Variants in CREB5 observed in about 807,000 individuals in gnomAD.
CREB5 encodes cAMP responsive element binding protein 5.
A neutral mutation model predicts 57.1 loss-of-function variants in CREB5; 19 were observed. The observed-to-expected ratio is 0.33, with a 90% confidence interval of 0.23 to 0.49. The LOEUF is 0.49. Ranked by LOEUF, CREB5 falls within the 20% of genes least tolerant of loss-of-function variation. The pLI is 0.99. For missense variants in CREB5, 579 were observed against 671.6 expected, an observed-to-expected ratio of 0.86 and a Z score of 1.52; for synonymous variants, 238 against 238.3, an observed-to-expected ratio of 1.00 and a Z score of 0.01.
At chr7:28,538,610 T>C (rs575245178) in intron 4 of CREB5, among the ~76,000 whole-genome samples, 1 of 152,308 alleles carries the variant, frequency 6.6e-6, no homozygotes, top group Admixed American at 6.5e-5. Flanking sequence ...GATTTCTACT[T>C]TTATTTTTTA....
At chr7:28,703,377 C>T (rs1428048279) in intron 5 of CREB5, among the ~76,000 whole-genome samples, 1 of 151,996 alleles carries the variant, frequency 6.6e-6, no homozygotes, top group African/African-American at 2.4e-5. Flanking sequence ...TTCACTTCTA[C>T]CAAATATATT....
At chr7:28,370,230 G>A (rs1786680199) in intron 1 of CREB5, among the ~76,000 whole-genome samples, 1 of 152,166 alleles carries the variant, frequency 6.6e-6, no homozygotes, top group Non-Finnish European at 1.5e-5. Context: ...ACGGTAGGAC[G>A]TGCCCTAGCC....
chr7:28,706,663 T>G (rs1802121517), intron 5 of CREB5, among the ~76,000 whole-genome samples: 1 of 152,146 alleles, frequency 6.6e-6, no homozygotes, highest in Non-Finnish European at 1.5e-5. Flanking sequence ...TTTTACTAAG[T>G]GTTTCAGATT....
intron 5 of CREB5, among the ~76,000 whole-genome samples, chr7:28,583,980 G>A (rs972622934): frequency 2.0e-5 from 3 of 152,072 alleles, no homozygotes; most frequent in Non-Finnish European, 4.4e-5. Flanking sequence ...GCTGGGCACA[G>A]CCTCCACCTT....
chr7:28,563,594 C>T (rs183918411), intron 4 of CREB5, among the ~76,000 whole-genome samples: 358 of 152,302 alleles, frequency 2.4e-3, no homozygotes, highest in Non-Finnish European at 4.1e-3. Context: ...GGTGCAATCA[C>T]GGCTCACTGC....
rs1474440654 is a variant in CREB5 at position 28,683,288 on chromosome 7, G to GA, written c.465-35461dup. On this transcript the variant is annotated intron_variant, in intron 5 of 10. Coordinates refer to ENST00000357727, the MANE Select transcript of CREB5 (RefSeq NM_182898.4). The stretch of plus-strand genomic sequence containing the variant: ...TCTCTCTTTAGCTGCTCACAGGAAG[G>GA]AAAATGGGAAAGTAGGGCTTCTTTT... Among the ~76,000 whole-genome samples the GA allele has an allele frequency of 6.6e-5, 10 of 152,234 alleles. No homozygotes were observed. In the South Asian group the frequency reaches 2.1e-3, roughly 32 times the overall value.
chr7:28,594,527 G>A (rs1796631219), intron 5 of CREB5, among the ~76,000 whole-genome samples: 1 of 152,152 alleles, frequency 6.6e-6, no homozygotes, highest in Admixed American at 6.5e-5. Context: ...AAGCCCTCCT[G>A]ATTCCCCCAG....
intron 2 of CREB5, among the ~76,000 whole-genome samples, chr7:28,488,692 C>A (rs949179792): frequency 3.9e-5 from 6 of 152,160 alleles, no homozygotes; most frequent in African/African-American, 1.2e-4. Flanking sequence ...AGTAAAAAAA[C>A]CCCAAACTCC....
chr7:28,593,898 A>G (rs991375595), intron 5 of CREB5, among the ~76,000 whole-genome samples: 2 of 152,212 alleles, frequency 1.3e-5, no homozygotes, highest in Non-Finnish European at 2.9e-5. Flanking sequence ...AACTATAGGA[A>G]GAAACTTTAT....
rs554087968 is a variant in CREB5 at position 28,733,741 on chromosome 7, G to A, written c.702+9409G>A. 3.9e-5 allele frequency among the ~76,000 whole-genome samples: 6 copies of A among 152,182 alleles called. No homozygotes were observed. In the South Asian group the frequency reaches 1.2e-3, roughly 32 times the overall value. On this transcript the variant is annotated intron_variant, in intron 7 of 10. Transcript: ENST00000357727. ...GCTGGGGCCAGTTTGATTCAGCTCC[G>A]TGTCCCCAGTTTGCCATCTCTCCTG... is the stretch of plus-strand genomic sequence containing the variant.
intron 5 of CREB5, among the ~76,000 whole-genome samples, chr7:28,630,120 C>T (rs1345688471): frequency 6.6e-6 from 1 of 152,176 alleles, no homozygotes; most frequent in Non-Finnish European, 1.5e-5. Context: ...GTTCCTGAAT[C>T]GTTAGAGGGT....
intron 7 of CREB5, among the ~76,000 whole-genome samples, chr7:28,771,563 C>G (rs1050869747): frequency 6.6e-6 from 1 of 152,072 alleles, no homozygotes; most frequent in Non-Finnish European, 1.5e-5. Context: ...ATCAGGCTCC[C>G]GGTACGTGTG....
chr7:28,588,795 C>A (rs1228657883), intron 5 of CREB5, among the ~76,000 whole-genome samples: 1 of 152,136 alleles, frequency 6.6e-6, no homozygotes, highest in Non-Finnish European at 1.5e-5. Flanking sequence ...ATTTTCTTAC[C>A]TATTTTTGGC....
chr7:28,414,721 G>GT (rs1787960656), intron 1 of CREB5, among the ~76,000 whole-genome samples: 1 of 152,016 alleles, frequency 6.6e-6, no homozygotes, highest in African/African-American at 2.4e-5. Flanking sequence ...AGCAATTAGT[G>GT]TTTTTTGAGT....
rs139222705 is a variant in CREB5 at position 28,486,670 on chromosome 7, T to TTATATATATATATATATATATATA, written c.4-1482_4-1481insATATATATATATATATATATATAT. ...AACTAAACGTGTATCTCCTATGATT[T>TTATATATATATATATATATATATA]TATATATATATATATATATATATGT... On this transcript the variant is annotated intron_variant, in intron 1 of 10. Coordinates refer to ENST00000357727, the MANE Select transcript of CREB5 (RefSeq NM_182898.4). 8.6e-3 allele frequency among the ~76,000 whole-genome samples: 767 copies of TTATATATATATATATATATATATA among 88,826 alleles called. 52 individuals are homozygous for TTATATATATATATATATATATATA. The highest frequency in any genetic ancestry group is 0.011 in the African/African-American group (266 of 23,356). The allele number at this position is 88,826 out of a possible 152,430, so 58.3% of individuals were successfully genotyped here.
At chr7:28,466,842 G>T (rs761183758) in intron 1 of CREB5, among the ~76,000 whole-genome samples, 1 of 152,318 alleles carries the variant, frequency 6.6e-6, no homozygotes, top group South Asian at 2.1e-4. Flanking sequence ...GGTTCTGGGC[G>T]TCAGAACATG....
chr7:28,501,894 T>C (rs1327392099), intron 3 of CREB5, among the ~76,000 whole-genome samples: 1 of 152,184 alleles, frequency 6.6e-6, no homozygotes, highest in Non-Finnish European at 1.5e-5. Context: ...GTCAGAGCAT[T>C]GTCTAATGGA....
chr7:28,581,793 C>T (rs771613594), intron 5 of CREB5, among the ~76,000 whole-genome samples: 12 of 152,180 alleles, frequency 7.9e-5, no homozygotes, highest in Non-Finnish European at 1.5e-4. Context: ...GCAGGGAAGA[C>T]CCGGGTGACC....
At chr7:28,775,936 C>A (rs1362209495) in intron 7 of CREB5, among the ~76,000 whole-genome samples, 1 of 152,110 alleles carries the variant, frequency 6.6e-6, no homozygotes. Context: ...AATATTATCA[C>A]CTTTTTACAA....
Sources: allele counts gnomAD v4.1 joint callset (sites outside exome capture counted in the v4.1 genomes callset), GRCh38; gene constraint gnomAD v4.1.1; transcripts MANE v1.5; gene names NCBI Gene and HGNC (gene_info 2026-07-23, HGNC 2026-07-21).